The following MAF variants were observed in gnomAD, a reference collection of about 807,000 sequenced individuals.
MAF encodes transcription factor Maf.
In MAF, 10 loss-of-function variants were observed where a neutral mutation model predicts 22.0. The observed-to-expected ratio is 0.45, with a 90% CI of 0.28 to 0.77. MAF has a LOEUF of 0.77. MAF is among the 30% of genes least tolerant of loss of function. The pLI, the probability that MAF is intolerant of heterozygous loss-of-function variation, is 0.12. For synonymous variants in MAF, 337 were observed against 255.8 expected (o/e 1.32, Z -3.03); for missense variants, 544 against 548.4 (o/e 0.99, Z 0.08).
the MAF span, among the ~76,000 whole-genome samples, chr16:79,216,475 C>T: frequency 1.3e-5 from 2 of 152,128 alleles, no homozygotes; most frequent in African/African-American, 2.4e-5. Context: ...GCTTAGAGTA[C>T]CCATATGACT....
the MAF span, among the ~76,000 whole-genome samples, chr16:79,320,817 G>A: frequency 9.6e-6 from 1 of 104,474 alleles, no homozygotes; most frequent in African/African-American, 2.6e-5. Flanking sequence ...ATAGCCCTGT[G>A]TTAAGTGTTT....
chr16:79,276,706 T>C, the MAF span, among the ~76,000 whole-genome samples: 26 of 152,300 alleles, frequency 1.7e-4, 1 homozygote, highest in Middle Eastern at 6.8e-3. Flanking sequence ...GTGATGGTGA[T>C]GACGACATTG....
At chr16:79,253,904 C>T in the MAF span, among the ~76,000 whole-genome samples, 2 of 152,076 alleles carry the variant, frequency 1.3e-5, no homozygotes, top group Non-Finnish European at 2.9e-5. Flanking sequence ...CAGCCCCTAC[C>T]TAAATTAGTT....
chr16:79,366,935 G>A, the MAF span, among the ~76,000 whole-genome samples: 1 of 152,192 alleles, frequency 6.6e-6, no homozygotes, highest in Admixed American at 6.5e-5. Context: ...GTGTATCTCA[G>A]GGCTTGGTAT....
At chr16:79,457,071 T>C in the MAF span, among the ~76,000 whole-genome samples, 3 of 152,178 alleles carry the variant, frequency 2.0e-5, no homozygotes. Flanking sequence ...TGGTCATTGC[T>C]GTTGAAGAAA....
the MAF span, among the ~76,000 whole-genome samples, chr16:79,219,623 G>T: frequency 1.4e-5 from 2 of 147,132 alleles, no homozygotes; most frequent in Admixed American, 6.8e-5. Context: ...TTTCACCAAT[G>T]AGCAAACCAT....
chr16:79,492,224 G>A, the MAF span, among the ~76,000 whole-genome samples: 1 of 152,172 alleles, frequency 6.6e-6, no homozygotes, highest in South Asian at 2.1e-4. Flanking sequence ...ATGCAGGCAG[G>A]GAGGCATTTA....
chr16:79,475,458 T>C, the MAF span, among the ~76,000 whole-genome samples: 1 of 151,938 alleles, frequency 6.6e-6, no homozygotes, highest in East Asian at 1.9e-4. Context: ...TGCACTTCAC[T>C]CTTTCAAATA....
chr16:79,278,797 T>C, the MAF span, among the ~76,000 whole-genome samples: 2 of 152,134 alleles, frequency 1.3e-5, no homozygotes, highest in Non-Finnish European at 2.9e-5. Flanking sequence ...CTCCCTGCCT[T>C]CCTGCCTGCT....
the MAF span, among the ~76,000 whole-genome samples, chr16:79,239,955 G>T: frequency 6.6e-6 from 1 of 152,006 alleles, no homozygotes; most frequent in South Asian, 2.1e-4. Context: ...ACGGATAGAT[G>T]CAGAGGATGT....
At chr16:79,506,985 C>T in the MAF span, among the ~76,000 whole-genome samples, 4 of 152,168 alleles carry the variant, frequency 2.6e-5, no homozygotes, top group African/African-American at 9.6e-5. Context: ...CTTCTGTAAA[C>T]CTAAGACTGC....
chr16:79,356,330 C>T, the MAF span, among the ~76,000 whole-genome samples: 2 of 152,184 alleles, frequency 1.3e-5, no homozygotes, highest in African/African-American at 4.8e-5. Context: ...GCAGGAAATT[C>T]ACAGGCCACA....
the MAF span, among the ~76,000 whole-genome samples, chr16:79,256,366 A>G: frequency 6.6e-6 from 1 of 152,106 alleles, no homozygotes; most frequent in African/African-American, 2.4e-5. Flanking sequence ...CCCCACTGCA[A>G]CAGCATCCAT....
the MAF span, among the ~76,000 whole-genome samples, chr16:79,367,296 G>A: frequency 1.3e-5 from 2 of 152,206 alleles, no homozygotes; most frequent in Admixed American, 6.5e-5. Flanking sequence ...CTATTGATCA[G>A]TTGTACCTTG....
chr16:79,232,331 C>T, the MAF span, among the ~76,000 whole-genome samples: 1 of 152,092 alleles, frequency 6.6e-6, no homozygotes, highest in African/African-American at 2.4e-5. Flanking sequence ...TTCTTACCTT[C>T]ACATGTAAAC....
chr16:79,245,352 A>G, the MAF span, among the ~76,000 whole-genome samples: 1 of 151,986 alleles, frequency 6.6e-6, no homozygotes, highest in African/African-American at 2.4e-5. Context: ...ATCTACAGAT[A>G]ACTTAAATTT....
At chr16:79,507,013 A>G in the MAF span, among the ~76,000 whole-genome samples, 6 of 152,172 alleles carry the variant, frequency 3.9e-5, no homozygotes, top group Non-Finnish European at 8.8e-5. Context: ...AATAAAATCT[A>G]GAATAATATC....
At chr16:79,232,797 A>C in the MAF span, among the ~76,000 whole-genome samples, 1 of 151,720 alleles carries the variant, frequency 6.6e-6, no homozygotes, top group East Asian at 1.9e-4. Flanking sequence ...GGCCCAGTTT[A>C]ATAACAGCTG....
the MAF span, among the ~76,000 whole-genome samples, chr16:79,333,291 C>T: frequency 6.6e-6 from 1 of 152,302 alleles, no homozygotes; most frequent in African/African-American, 2.4e-5. Context: ...CTGACCCCAC[C>T]TGAGCTCAGA....
Sources: allele counts gnomAD v4.1 joint callset (sites outside exome capture counted in the v4.1 genomes callset), GRCh38; gene constraint gnomAD v4.1.1; transcripts MANE v1.5; gene names NCBI Gene and HGNC (gene_info 2026-07-23, HGNC 2026-07-21).